CLDN18: variants seen among roughly 807,000 people sequenced by gnomAD.
CLDN18 encodes the protein claudin 18.
Under a neutral mutation model 25.0 loss-of-function variants are expected in CLDN18, and 20 were observed. The ratio of observed to expected loss-of-function variants is 0.80; its 90% confidence interval spans 0.56 to 1.16. CLDN18 has a LOEUF of 1.16. Ranked by LOEUF, CLDN18 falls within the 50% of genes most tolerant of loss-of-function variation. The pLI is 0.00. For missense variants in CLDN18, 297 were observed against 345.4 expected (o/e 0.86, Z 1.11); for synonymous variants, 125 against 135.6 (o/e 0.92, Z 0.54).
chr3:138,004,119 G>A (rs1032141934), intron 1 of CLDN18, among the ~76,000 whole-genome samples: 27 of 152,012 alleles, frequency 1.8e-4, no homozygotes, highest in Admixed American at 3.3e-4. Flanking sequence ...GGTTGCAGTG[G>A]GCCAAGATTG....
chr3:138,000,321 G>A (rs1454236374), intron 1 of CLDN18, among the ~76,000 whole-genome samples: 2 of 152,176 alleles, frequency 1.3e-5, no homozygotes, highest in Admixed American at 6.5e-5. Context: ...AACCACAAGT[G>A]TCTTGTGAAA....
At chr3:137,999,346 A>G (rs1021444221) in intron 1 of CLDN18, among the ~76,000 whole-genome samples, 2 of 152,130 alleles carry the variant, frequency 1.3e-5, no homozygotes, top group African/African-American at 4.8e-5. Flanking sequence ...TATTTTTTCA[A>G]TAACTCCTAT....
At position 138,010,377 on chromosome 3, in the gene CLDN18, G is replaced by T. The variant is rs759969828; in HGVS notation, c.152G>T (p.Arg51Met). 1.2e-6 allele frequency: 2 copies of T among 1,614,238 alleles called. No homozygotes were observed. Among genetic ancestry groups the T allele is most frequent in the East Asian group, 4.5e-5 (2 of 44,868 alleles). The change falls in exon 1 of 5, where the codon AGG (arginine) becomes ATG (methionine). Residue 51 changes from arginine to methionine, a missense_variant. Coordinates refer to ENST00000183605, the MANE Select transcript of CLDN18 (RefSeq NM_016369.4). ...TSVFQYEGLW[R>M]SCVRQSSGFT... ...GTGTTCCAGTACGAAGGGCTCTGGA[G>T]GAGCTGCGTGAGGCAGAGTTCAGGC... is the stretch of plus-strand genomic sequence containing the variant.
rs573233383 is a variant in CLDN18, at chr3:138,021,519, C to G, written c.221-2139C>G. On this transcript the variant is annotated intron_variant, in intron 1 of 4. Transcript: ENST00000183605. The stretch of plus-strand genomic sequence containing the variant: ...TTTTAAAAAATTCCTTCCTGGAAAA[C>G]TACCCACCAGGATGCTAAAGGTGGC... Among the ~76,000 whole-genome samples the G allele has an allele frequency of 3.9e-5, 6 of 152,258 alleles. No homozygotes were observed. In the South Asian group the frequency reaches 1.0e-3, roughly 26 times the overall value.
chr3:138,005,869 T>C, upstream of CLDN18, among the ~76,000 whole-genome samples: 1 of 152,276 alleles, frequency 6.6e-6, no homozygotes, highest in Non-Finnish European at 1.5e-5. Context: ...CATCATAACA[T>C]TGCCTTTTAT....
upstream of CLDN18, among the ~76,000 whole-genome samples, chr3:138,008,204 T>C (rs1942089206): frequency 9.2e-6 from 1 of 108,760 alleles, no homozygotes; most frequent in Admixed American, 1.2e-4. Context: ...GGTTAAAGAT[T>C]GGAGTATGTA....
intron 1 of CLDN18, among the ~76,000 whole-genome samples, chr3:138,020,089 A>G (rs1942254062): frequency 6.6e-6 from 1 of 152,198 alleles, no homozygotes; most frequent in Admixed American, 6.5e-5. Context: ...TTACTTATCG[A>G]TAGAGAAGAT....
chr3:138,001,535 C>A (rs1376282360), intron 1 of CLDN18, among the ~76,000 whole-genome samples: 1 of 152,134 alleles, frequency 6.6e-6, no homozygotes, highest in Non-Finnish European at 1.5e-5. Context: ...TTCCCCCATT[C>A]TTATGCTGGA....
intron 1 of CLDN18, among the ~76,000 whole-genome samples, chr3:138,003,351 G>A (rs1429570988): frequency 6.6e-6 from 1 of 152,246 alleles, no homozygotes; most frequent in East Asian, 1.9e-4. Context: ...CTTCCAAAAG[G>A]AATGACAGCT....
rs746511132 is a variant in CLDN18 at position 138,019,467 on chromosome 3, A to G, written c.221-4191A>G. Reference sequence around the variant, plus strand: ...AAGGTATGGCTCCTCCCATCCGCCTACTCCACCAGGGCCCCAGTCCAGGCC... The same window carrying G: ...AAGGTATGGCTCCTCCCATCCGCCTGCTCCACCAGGGCCCCAGTCCAGGCC... On this transcript the variant is annotated intron_variant, in intron 1 of 4. Transcript: ENST00000183605. Among the ~76,000 whole-genome samples the G allele has an allele frequency of 1.4e-4, 21 of 151,764 alleles. 1 individual carries two copies. Among genetic ancestry groups the G allele is most frequent in the Non-Finnish European group, 2.4e-4 (16 of 67,940 alleles).
chr3:138,030,564 T>A (rs1462346804), intron 4 of CLDN18, among the ~76,000 whole-genome samples: 1 of 152,180 alleles, frequency 6.6e-6, no homozygotes, highest in African/African-American at 2.4e-5. Flanking sequence ...AGCTCACAAA[T>A]TCTATGATCC....
chr3:138,005,909 C>T (rs1942065208), upstream of CLDN18, among the ~76,000 whole-genome samples: 1 of 138,252 alleles, frequency 7.2e-6, no homozygotes, highest in African/African-American at 3.5e-5. Context: ...TACAATCTAA[C>T]TATATAAAAA....
upstream of CLDN18, among the ~76,000 whole-genome samples, chr3:138,006,362 A>G (rs1389264118): frequency 6.6e-6 from 1 of 152,220 alleles, no homozygotes; most frequent in Non-Finnish European, 1.5e-5. Flanking sequence ...AAAGTGGTGG[A>G]AATGTTTTCT....
At chr3:138,028,241 T>C (rs572944701) in intron 3 of CLDN18, among the ~76,000 whole-genome samples, 12 of 152,246 alleles carry the variant, frequency 7.9e-5, no homozygotes, top group Non-Finnish European at 1.3e-4. Context: ...ATTTTTGTAT[T>C]TTTAGTAGAG....
chr3:138,018,481 C>T (rs949432959), intron 1 of CLDN18, among the ~76,000 whole-genome samples: 18 of 151,170 alleles, frequency 1.2e-4, no homozygotes, highest in Admixed American at 5.9e-4. Flanking sequence ...GGACTACAGG[C>T]GCCCGCCACT....
chr3:138,014,737 C>T (rs911124182), intron 1 of CLDN18, among the ~76,000 whole-genome samples: 3 of 152,200 alleles, frequency 2.0e-5, no homozygotes, highest in Non-Finnish European at 4.4e-5. Flanking sequence ...TTCAAGAAGA[C>T]TGTGGACTTA....
chr3:138,025,271 C>T (rs554243163), intron 3 of CLDN18, among the ~76,000 whole-genome samples: 2 of 152,318 alleles, frequency 1.3e-5, no homozygotes, highest in South Asian at 4.1e-4. Flanking sequence ...CCCACTCTCA[C>T]AGGGGGTACA....
chr3:138,017,906 G>A (rs895251483), intron 1 of CLDN18, among the ~76,000 whole-genome samples: 1 of 152,210 alleles, frequency 6.6e-6, no homozygotes, highest in African/African-American at 2.4e-5. Context: ...AGGTAAATGA[G>A]GCTGCTTGCC....
chr3:138,011,085 C>T (rs181888926), intron 1 of CLDN18, among the ~76,000 whole-genome samples: 7 of 151,620 alleles, frequency 4.6e-5, no homozygotes, highest in Non-Finnish European at 8.8e-5. Flanking sequence ...ATCCTTTCAC[C>T]CCTAAAGATG....
Sources: allele counts gnomAD v4.1 joint callset (sites outside exome capture counted in the v4.1 genomes callset), GRCh38; gene constraint gnomAD v4.1.1; transcripts MANE v1.5; gene names NCBI Gene and HGNC (gene_info 2026-07-23, HGNC 2026-07-21).